The following FARS2 variants were observed in gnomAD, a reference collection of about 807,000 sequenced individuals.
The protein encoded by FARS2 is phenylalanyl-tRNA synthetase 2, mitochondrial.
FARS2 carries 40 observed loss-of-function variants against 46.4 expected under a neutral mutation model. The observed-to-expected ratio is 0.86, with a 90% CI of 0.67 to 1.12. The LOEUF (loss-of-function observed/expected upper bound fraction) is 1.12, where lower values mean the gene tolerates loss of function less well. Ranked by LOEUF, FARS2 falls within the 50% of genes most tolerant of loss-of-function variation. The pLI, the probability that FARS2 is intolerant of heterozygous loss-of-function variation, is 0.00. For missense variants in FARS2, 513 were observed against 567.9 expected, an observed-to-expected ratio of 0.90 and a Z score of 0.98; for synonymous variants, 234 against 214.9, an observed-to-expected ratio of 1.09 and a Z score of -0.78.
At chr6:5,453,511 T>G (rs1434838215) in intron 4 of FARS2, among the ~76,000 whole-genome samples, 1 of 152,224 alleles carries the variant, frequency 6.6e-6, no homozygotes, top group African/African-American at 2.4e-5. Flanking sequence ...CGGAATGTGT[T>G]CCAAACAGTT....
chr6:5,598,751 A>C (rs4323358), intron 5 of FARS2, among the ~76,000 whole-genome samples: 37,814 of 151,772 alleles, frequency 0.25, 4,818 homozygotes, highest in African/African-American at 0.28. Flanking sequence ...CCAAAGGACC[A>C]CTAGACCAGG....
chr6:5,614,360 G>C (rs1775347124), intron 6 of FARS2, among the ~76,000 whole-genome samples: 1 of 151,410 alleles, frequency 6.6e-6, no homozygotes, highest in Admixed American at 6.6e-5. Flanking sequence ...AGGGCTCCTG[G>C]CTCCCACGTT....
At chr6:5,389,127 A>G (rs889487227) in intron 2 of FARS2, among the ~76,000 whole-genome samples, 3 of 151,794 alleles carry the variant, frequency 2.0e-5, no homozygotes, top group Non-Finnish European at 4.4e-5. Context: ...CCTTTCTAAT[A>G]GAATCATACA....
chr6:5,654,102 T>G (rs1044575996), intron 6 of FARS2, among the ~76,000 whole-genome samples: 1 of 152,132 alleles, frequency 6.6e-6, no homozygotes, highest in Admixed American at 6.5e-5. Flanking sequence ...GCCCTGACCC[T>G]TTGACCATGG....
intron 6 of FARS2, among the ~76,000 whole-genome samples, chr6:5,706,448 C>T (rs1363673322): frequency 6.6e-6 from 1 of 152,216 alleles, no homozygotes; most frequent in East Asian, 1.9e-4. Context: ...GTGCTGTCCC[C>T]ATTACTCTAG....
chr6:5,629,914 G>A (rs1242177650), intron 6 of FARS2, among the ~76,000 whole-genome samples: 3 of 152,120 alleles, frequency 2.0e-5, no homozygotes, highest in East Asian at 3.9e-4. Context: ...TGACCTGTGC[G>A]GCCAAGAGTT....
chr6:5,613,286 A>C lies in FARS2; in HGVS notation c.1183A>C (p.Lys395Gln), dbSNP rs1775289660. ...VRTIGGDLVE[K>Q]VDLIDKFVHP... ...AACAATTGGAGGAGACCTGGTGGAA[A>C]AGGTTGATCTCATAGACAAGTTTGT... is the stretch of plus-strand genomic sequence containing the variant. Residue 395 changes from lysine to glutamine, a missense_variant, in exon 6 of 7, where the codon AAG becomes CAG. Transcript: ENST00000274680. 1 of 1,613,524 alleles carries C rather than the reference A, an allele frequency of 6.2e-7. No homozygotes were observed. The highest frequency in any genetic ancestry group is 1.3e-5 in the African/African-American group (1 of 75,016).
intron 2 of FARS2, among the ~76,000 whole-genome samples, chr6:5,369,858 C>A (rs55720402): frequency 1.3e-5 from 2 of 150,006 alleles, no homozygotes; most frequent in South Asian, 4.2e-4. Flanking sequence ...TATCCTAATA[C>A]GTTGTGTGCA....
intron 5 of FARS2, among the ~76,000 whole-genome samples, chr6:5,555,251 G>A (rs568090937): frequency 6.6e-5 from 10 of 152,116 alleles, no homozygotes; most frequent in East Asian, 3.9e-4. Flanking sequence ...CCAGCCACAC[G>A]GAACTGTAAG....
chr6:5,394,615 A>G (rs2432788), intron 2 of FARS2, among the ~76,000 whole-genome samples: 17,262 of 152,160 alleles, frequency 0.11, 2,334 homozygotes, highest in African/African-American at 0.33. Flanking sequence ...TTTATAATCT[A>G]AGTACCTAAT....
At position 5,343,492 on chromosome 6, in the gene FARS2, G is replaced by A. The variant is rs1461134195; in HGVS notation, c.-21-25058G>A. Among the ~76,000 whole-genome samples the A allele has an allele frequency of 6.6e-6, 1 of 152,128 alleles. No homozygotes were observed. Among genetic ancestry groups the A allele is most frequent in the African/African-American group, 2.4e-5 (1 of 41,420 alleles). ...CTCTGAAAGTGCTGGGATTACAGGCGTGAACCACCGCGCCTGGCCTACATT... is the reference window on the plus strand; with the variant it reads ...CTCTGAAAGTGCTGGGATTACAGGCATGAACCACCGCGCCTGGCCTACATT... On this transcript the variant is annotated intron_variant, in intron 1 of 6. Transcript: ENST00000274680. This position sits in a 1 kb window ranked among gnomAD's most constrained non-coding sequence, Gnocchi z 4.5.
chr6:5,280,622 T>C (rs1214848410), intron 1 of FARS2, among the ~76,000 whole-genome samples: 1 of 152,210 alleles, frequency 6.6e-6, no homozygotes, highest in African/African-American at 2.4e-5. Flanking sequence ...GGAAACTGTC[T>C]TTTTGAATGG....
In FARS2 at chr6:5,696,774, A is replaced by G. The variant is rs1758131628; in HGVS notation, c.1218-74517A>G. Reference sequence around the variant, plus strand: ...AAATTTTTTACTATGAACATACATCATTTTTATAATAAAATGCTCATTTCT... The same window carrying G: ...AAATTTTTTACTATGAACATACATCGTTTTTATAATAAAATGCTCATTTCT... On this transcript the variant is annotated intron_variant, in intron 6 of 6. Transcript: ENST00000274680. 3.3e-5 allele frequency among the ~76,000 whole-genome samples: 5 copies of G among 152,318 alleles called. No homozygotes were observed. The South Asian group carries it at 1.0e-3, about 32-fold the overall frequency.
chr6:5,345,912 A>G (rs1170062870), intron 1 of FARS2, among the ~76,000 whole-genome samples: 2 of 152,196 alleles, frequency 1.3e-5, no homozygotes, highest in African/African-American at 4.8e-5. Flanking sequence ...CCTATAAAGC[A>G]CAGACCTTAT....
chr6:5,371,177 T>C, intron 2 of FARS2: 1 of 985,050 alleles, frequency 1.0e-6, no homozygotes, highest in Non-Finnish European at 1.2e-6. Flanking sequence ...AAGAATGCTA[T>C]GGAGAGTGGA....
chr6:5,386,646 A>G (rs1424504456), intron 2 of FARS2, among the ~76,000 whole-genome samples: 4 of 152,156 alleles, frequency 2.6e-5, no homozygotes, highest in Non-Finnish European at 5.9e-5. Context: ...ATTGGATTTT[A>G]TCCCTCTACA....
In FARS2 at chr6:5,445,703, G is replaced by GT. The variant is rs141176012; in HGVS notation, c.904+14534dup. ...CTCCAAGCTCGGAAGAAGTAGCTCT[G>GT]TTTGAGGGAGGGAGTGTGCCGTATT... On this transcript the variant is annotated intron_variant, in intron 4 of 6. Coordinates refer to ENST00000274680, the MANE Select transcript of FARS2 (RefSeq NM_006567.5). Among the ~76,000 whole-genome samples, 1,261 of 152,286 alleles carry GT rather than the reference G, an allele frequency of 8.3e-3. 15 individuals carry two copies. Among genetic ancestry groups the GT allele is most frequent in the African/African-American group, 0.029 (1,197 of 41,552 alleles).
intron 2 of FARS2, among the ~76,000 whole-genome samples, chr6:5,403,408 CTTCCA>C (rs1441785658): frequency 6.6e-6 from 1 of 152,178 alleles, no homozygotes; most frequent in Non-Finnish European, 1.5e-5. Context: ...TTTTGTCTCA[CTTCCA>C]TGGTAAGCTG....
chr6:5,638,264 G>GA (rs1469029447), intron 6 of FARS2, among the ~76,000 whole-genome samples: 1 of 152,176 alleles, frequency 6.6e-6, no homozygotes, highest in Non-Finnish European at 1.5e-5. Flanking sequence ...GCTGTTAGGG[G>GA]AGACTTAAAA....
Sources: gnomAD v4.1 joint callset for allele counts (sites outside exome capture counted in the v4.1 genomes callset) on GRCh38, gnomAD v4.1.1 for gene constraint, Gnocchi (gnomAD v3.1) non-coding constraint, MANE v1.5 for transcripts, NCBI Gene and HGNC (gene_info 2026-07-23, HGNC 2026-07-21) for gene names.